Variants in CACNA1A observed in about 807,000 individuals in gnomAD.
CACNA1A encodes the protein voltage-dependent P/Q-type calcium channel subunit alpha-1A.
Under a neutral mutation model 262.4 loss-of-function variants are expected in CACNA1A, and 57 were observed. The ratio of observed to expected loss-of-function variants is 0.22; its 90% confidence interval spans 0.18 to 0.27. CACNA1A has a LOEUF of 0.27. Among genes scored for constraint, CACNA1A ranks in the 10% least tolerant of loss-of-function variants. The pLI is 1.00. For missense variants in CACNA1A, 2,526 were observed against 3,562.8 expected, an observed-to-expected ratio of 0.71 and a Z score of 7.41; for synonymous variants, 1,431 against 1,419.3, an observed-to-expected ratio of 1.01 and a Z score of -0.18.
rs34069029 is a variant in CACNA1A at position 13,253,316 on chromosome 19, CT to C, written c.4756-216del. On this transcript the variant is annotated intron_variant, in intron 29 of 46. Transcript: ENST00000360228. ...CAAAAAAACAAAAACCTCCCCCAAC[CT>C]TTTTTTTTTTTTTTTGGTAGACGGG... Among the ~76,000 whole-genome samples, 112,348 of 134,816 alleles carry C rather than the reference CT, an allele frequency of 0.83. 46,622 individuals carry two copies. Among genetic ancestry groups the C allele is most frequent in the East Asian group, 0.89 (4,161 of 4,652 alleles). 88.4% of individuals were successfully genotyped at this position (134,816 alleles called of 152,430 possible).
rs534236067 is a variant in CACNA1A, at chr19:13,330,445, GA to G, written c.1256-113del. On this transcript the variant is annotated intron_variant, in intron 9 of 46. Transcript: ENST00000360228. ...ACTCTCACGGCAACTGTTCTCACGG[GA>G]ACTAATAGTATACCCATTTTTCAGA... The G allele has an allele frequency of 1.1e-4, 82 of 779,050 alleles. No homozygotes were observed. The African/African-American group carries it at 1.3e-3, about 13-fold the overall frequency. 48.3% of individuals were successfully genotyped at this position (779,050 alleles called of 1,614,324 possible).
chr19:13,377,127 T>A (rs889611224), intron 3 of CACNA1A, among the ~76,000 whole-genome samples: 3 of 151,678 alleles, frequency 2.0e-5, no homozygotes, highest in African/African-American at 7.2e-5. Flanking sequence ...GCCTGGCTAA[T>A]TTTTTTGTAT....
chr19:13,360,400 C>A (rs1465247851), intron 5 of CACNA1A, among the ~76,000 whole-genome samples: 1 of 151,634 alleles, frequency 6.6e-6, no homozygotes, highest in Admixed American at 6.6e-5. Context: ...TAGACACTTA[C>A]CTATTTACTT....
At chr19:13,404,060 C>T (rs1210774285) in intron 3 of CACNA1A, among the ~76,000 whole-genome samples, 1 of 152,104 alleles carries the variant, frequency 6.6e-6, no homozygotes, top group Non-Finnish European at 1.5e-5. Flanking sequence ...AACGTAACCT[C>T]TCTGTGCCTC....
chr19:13,499,333 A>AT (rs1174090331), intron 1 of CACNA1A, among the ~76,000 whole-genome samples: 3 of 151,598 alleles, frequency 2.0e-5, no homozygotes, highest in Admixed American at 1.3e-4. Context: ...GTGGCCACGA[A>AT]TTTTTTTTCC....
chr19:13,398,319 T>G (rs888880397), intron 3 of CACNA1A, among the ~76,000 whole-genome samples: 3 of 151,782 alleles, frequency 2.0e-5, no homozygotes, highest in Non-Finnish European at 2.9e-5. Flanking sequence ...AAGAACGAAA[T>G]TTTTATTGTT....
chr19:13,240,884 C>T (rs1330495720), intron 31 of CACNA1A, among the ~76,000 whole-genome samples: 1 of 152,260 alleles, frequency 6.6e-6, no homozygotes, highest in East Asian at 1.9e-4. Context: ...GAGAGGGCCT[C>T]AGTGGGCCAG....
At chr19:13,501,931 C>A (rs1222188632) in intron 1 of CACNA1A, among the ~76,000 whole-genome samples, 1 of 151,992 alleles carries the variant, frequency 6.6e-6, no homozygotes, top group Admixed American at 6.6e-5. Context: ...TGAAAATACT[C>A]CCATTGGAAA....
intron 3 of CACNA1A, chr19:13,451,375 G>A (rs2060911546): frequency 6.6e-6 from 1 of 152,250 alleles, no homozygotes; most frequent in Non-Finnish European, 1.5e-5. Context: ...TGATTACTAT[G>A]AAAAAGGTGT....
At chr19:13,223,378 A>C (rs2144588525) in intron 38 of CACNA1A, among the ~76,000 whole-genome samples, 1 of 152,006 alleles carries the variant, frequency 6.6e-6, no homozygotes, top group East Asian at 1.9e-4. Context: ...TTTTTAGTAG[A>C]GACGGGGGTT....
Position 13,207,840 on chromosome 19 carries a change from G to C in CACNA1A, c.6994C>G (p.Arg2332Gly). 2 of 1,466,026 alleles carry C rather than the reference G, an allele frequency of 1.4e-6. No homozygotes were observed. Among genetic ancestry groups the C allele is most frequent in the Non-Finnish European group, 1.8e-6 (2 of 1,115,336 alleles). The allele number at this position is 1,466,026 out of a possible 1,614,324, so 90.8% of individuals were successfully genotyped here. A position where few individuals can be genotyped will look rare whatever the true frequency, so the allele number is the denominator to read the frequency against. Residue 2332 changes from arginine (R) to glycine (G), a missense_variant, in exon 47 of 47, where the codon CGG (arginine) becomes GGG (glycine). Around this residue, in one of 17 missense-constraint regions of CACNA1A, gnomAD observed 929 missense variants for 868.1 expected, o/e 1.07. Transcript: ENST00000360228. This position sits in a 1 kb window ranked among gnomAD's most constrained non-coding sequence, Gnocchi z 5.7. ...QQQQAVARPG[R>G]AATSGPRRYP... Reference sequence around the variant, plus strand: ...CTCCGAGGGCCGCTGGTGGCCGCCCGGCCCGGCCTGGCCACCGCCTGCTGC... The same window carrying C: ...CTCCGAGGGCCGCTGGTGGCCGCCCCGCCCGGCCTGGCCACCGCCTGCTGC...
Position 13,495,037 on chromosome 19 carries a change from C to T in CACNA1A, c.293+10895G>A, listed in dbSNP as rs530954515. Among the ~76,000 whole-genome samples, 4 of 152,290 alleles carry T rather than the reference C, an allele frequency of 2.6e-5. No individual in the cohort carries two copies. The South Asian group carries it at 6.2e-4, about 24-fold the overall frequency. On this transcript the variant is annotated intron_variant, in intron 1 of 46. Coordinates refer to ENST00000360228, the MANE Select transcript of CACNA1A (RefSeq NM_001127222.2). ...GAGAAAGAGTCTACCAGTCCACCAC[C>T]ACATGCTATCCTATCCACCAATGGA...
intron 30 of CACNA1A, among the ~76,000 whole-genome samples, chr19:13,248,968 G>C (rs2056324998): frequency 1.3e-5 from 2 of 152,072 alleles, no homozygotes; most frequent in Admixed American, 1.3e-4. Context: ...TTCCCTAAGT[G>C]CTTCTTTTTT....
intron 11 of CACNA1A, 59 bp downstream of exon 11, chr19:13,317,053 A>G (rs553424614): frequency 1.8e-6 from 2 of 1,102,866 alleles, no homozygotes; most frequent in Admixed American, 2.0e-5. Flanking sequence ...AGAGAAGTGG[A>G]AAAAGGGTGT....
chr19:13,361,334 G>A (rs1385730397), intron 5 of CACNA1A, among the ~76,000 whole-genome samples: 2 of 152,140 alleles, frequency 1.3e-5, no homozygotes, highest in Non-Finnish European at 2.9e-5. Context: ...CAGGCTGAAC[G>A]CTAAAGGTCA....
rs1373008913 is a variant in CACNA1A, at chr19:13,211,738, G to A, written c.6303+365C>T. 6 of 277,996 alleles carry A rather than the reference G, an allele frequency of 2.2e-5. No homozygotes were observed. In the South Asian group the frequency reaches 2.4e-4, roughly 11 times the overall value. 17.2% of individuals were successfully genotyped at this position (277,996 alleles called of 1,614,324 possible). A position where few individuals can be genotyped will look rare whatever the true frequency, so the allele number is the denominator to read the frequency against. ...GCATGTGTGTGTGTGTTTGTGTAGGGGTGATCTTCGTGGCAGGTCTCAGCT... is the reference window on the plus strand; with the variant it reads ...GCATGTGTGTGTGTGTTTGTGTAGGAGTGATCTTCGTGGCAGGTCTCAGCT... On this transcript the variant is annotated intron_variant, in intron 43 of 46. Transcript: ENST00000360228.
At chr19:13,414,391 C>T (rs552985935) in intron 3 of CACNA1A, among the ~76,000 whole-genome samples, 4 of 152,172 alleles carry the variant, frequency 2.6e-5, no homozygotes, top group African/African-American at 9.6e-5. Flanking sequence ...TAGAGCGAGG[C>T]TCTGTCTCAA....
intron 3 of CACNA1A, among the ~76,000 whole-genome samples, chr19:13,390,006 G>A (rs1371879464): frequency 1.3e-5 from 2 of 150,620 alleles, no homozygotes; most frequent in African/African-American, 2.4e-5. Flanking sequence ...GTACGGACGC[G>A]GTTTTACCAT....
At chr19:13,216,137 G>A (rs1452451866) in intron 38 of CACNA1A, among the ~76,000 whole-genome samples, 1 of 151,892 alleles carries the variant, frequency 6.6e-6, no homozygotes, top group Non-Finnish European at 1.5e-5. Flanking sequence ...ACATGCCCTT[G>A]GCCTGCAGCC....
Sources: allele counts gnomAD v4.1 joint callset (sites outside exome capture counted in the v4.1 genomes callset), GRCh38; gene constraint gnomAD v4.1.1; regional missense constraint gnomAD v4.1.1; non-coding constraint Gnocchi (gnomAD v3.1); transcripts MANE v1.5; gene names NCBI Gene and HGNC (gene_info 2026-07-23, HGNC 2026-07-21).